Variants in C4orf36 observed in about 807,000 individuals in gnomAD.
The protein encoded by C4orf36 is chromosome 4 open reading frame 36.
A neutral mutation model predicts 12.2 loss-of-function variants in C4orf36; 11 were observed. That is an observed-to-expected ratio of 0.90 (90% confidence interval 0.57 to 1.49). C4orf36 has a LOEUF of 1.49. C4orf36 is among the 40% of genes most tolerant of loss of function. C4orf36 has a pLI of 0.00. For missense variants in C4orf36, 137 were observed against 133.9 expected, an observed-to-expected ratio of 1.02 and a Z score of -0.11; for synonymous variants, 54 against 51.3, an observed-to-expected ratio of 1.05 and a Z score of -0.22.
In C4orf36 at chr4:86,890,284, G is replaced by A. The variant is rs1747355031; in HGVS notation, c.65+1172C>T. On this transcript the variant is annotated intron_variant, in intron 2 of 4. Coordinates refer to ENST00000295898, the MANE Select transcript of C4orf36 (RefSeq NM_144645.4). ...ACTTGCCCAAGGTCACAAAGCCATT[G>A]GTTGTGAAGTTGGGATCTGAACCCA... The A allele has an allele frequency of 7.9e-6, 3 of 377,754 alleles. No individual in the cohort carries two copies. In the East Asian group the frequency reaches 2.2e-4, roughly 28 times the overall value. The allele number at this position is 377,754 out of a possible 1,614,324, so 23.4% of individuals were successfully genotyped here. A position where few individuals can be genotyped will look rare whatever the true frequency, so the allele number is the denominator to read the frequency against.
Position 86,881,674 on chromosome 4 carries a change from T to A in C4orf36, c.*3-5231A>T, listed in dbSNP as rs577229022. ...ATTGTGGATCTTTCACCATCTGAAA[T>A]TTTCTTTTTTTTTTTTGAGATGGAG... is the stretch of plus-strand genomic sequence containing the variant. On this transcript the variant is annotated intron_variant, in intron 4 of 4. Transcript: ENST00000295898. Among the ~76,000 whole-genome samples the A allele has an allele frequency of 1.3e-4, 19 of 146,882 alleles. No homozygotes were observed. The South Asian group carries it at 4.2e-3, about 33-fold the overall frequency.
chr4:86,913,218 A>G, the C4orf36 span: 2 of 498,178 alleles, frequency 4.0e-6, no homozygotes, highest in Non-Finnish European at 7.6e-6. Flanking sequence ...GATCTTCCAC[A>G]GTTTGTTGTG....
the C4orf36 span, among the ~76,000 whole-genome samples, chr4:86,903,065 T>C: frequency 6.6e-6 from 1 of 152,196 alleles, no homozygotes; most frequent in Non-Finnish European, 1.5e-5. Context: ...TTAGAGATAA[T>C]TGCCTTCTCA....
the C4orf36 span, chr4:86,914,222 C>T: frequency 5.6e-6 from 9 of 1,597,972 alleles, no homozygotes; most frequent in South Asian, 4.4e-5. Context: ...TCAGGATCAC[C>T]AGGGTTGGCT....
chr4:86,894,055 C>T (rs900594085), upstream of C4orf36, among the ~76,000 whole-genome samples: 3 of 151,956 alleles, frequency 2.0e-5, no homozygotes, highest in Admixed American at 6.6e-5. Flanking sequence ...CGCCACCACG[C>T]CCAGCTGATT....
chr4:86,881,923 C>CCAT (rs1390653773), intron 4 of C4orf36, among the ~76,000 whole-genome samples: 1 of 152,140 alleles, frequency 6.6e-6, no homozygotes. Context: ...GGTGATCCAC[C>CCAT]CATCTCAGCC....
At chr4:86,913,712 A>C in the C4orf36 span, 1 of 1,600,586 alleles carries the variant, frequency 6.2e-7, no homozygotes, top group Non-Finnish European at 8.6e-7. Flanking sequence ...TCCCACTGGC[A>C]GAGAAGCTGA....
the C4orf36 span, among the ~76,000 whole-genome samples, chr4:86,911,878 A>C: frequency 9.2e-5 from 14 of 151,730 alleles, 1 homozygote; most frequent in African/African-American, 2.7e-4. Flanking sequence ...TGTTTTTTTG[A>C]GACGGAGTTT....
chr4:86,899,744 T>A, the C4orf36 span, among the ~76,000 whole-genome samples: 2 of 152,162 alleles, frequency 1.3e-5, no homozygotes, highest in Non-Finnish European at 2.9e-5. Context: ...GGTGGGAAGA[T>A]CACTTGAGCC....
At chr4:86,914,269 T>C in the C4orf36 span, 8 of 1,602,658 alleles carry the variant, frequency 5.0e-6, no homozygotes, top group Non-Finnish European at 6.8e-6. Flanking sequence ...ACATAGGCAT[T>C]GTGGTCTGCC....
upstream of C4orf36, among the ~76,000 whole-genome samples, chr4:86,897,276 G>T (rs1747615591): frequency 6.6e-6 from 1 of 152,112 alleles, no homozygotes; most frequent in African/African-American, 2.4e-5. Flanking sequence ...TGGGAGGATT[G>T]CTTGAGCCTG....
At chr4:86,884,895 G>A (rs13151797) in intron 4 of C4orf36, among the ~76,000 whole-genome samples, 9,468 of 152,180 alleles carry the variant, frequency 0.062, 433 homozygotes, top group Non-Finnish European at 0.087. Flanking sequence ...TGTAAGGAAG[G>A]GATCCAGTTT....
the C4orf36 span, among the ~76,000 whole-genome samples, chr4:86,931,991 C>T: frequency 0.025 from 3,563 of 141,384 alleles, 150 homozygotes; most frequent in African/African-American, 0.088. Context: ...GCCGAGATTG[C>T]ACCATTGCAC....
At chr4:86,894,483 C>G (rs571667721), upstream of C4orf36, among the ~76,000 whole-genome samples, 10 of 152,192 alleles carry the variant, frequency 6.6e-5, no homozygotes, top group African/African-American at 2.4e-4. Context: ...AGGGGACAAG[C>G]CACCTTAGAA....
At chr4:86,899,476 T>C in the C4orf36 span, among the ~76,000 whole-genome samples, 1 of 152,158 alleles carries the variant, frequency 6.6e-6, no homozygotes, top group African/African-American at 2.4e-5. Flanking sequence ...CTAAAATGTA[T>C]TTAAGTAGTC....
At chr4:86,905,509 C>T in the C4orf36 span, among the ~76,000 whole-genome samples, 7 of 152,128 alleles carry the variant, frequency 4.6e-5, no homozygotes, top group Admixed American at 3.3e-4. Context: ...GCTATGATGG[C>T]ACCATTGCAC....
chr4:86,920,117 C>A, the C4orf36 span, among the ~76,000 whole-genome samples: 4 of 152,174 alleles, frequency 2.6e-5, no homozygotes, highest in East Asian at 1.9e-4. Flanking sequence ...AGGGCATGAA[C>A]ACAACTCAGC....
At chr4:86,894,019 C>T (rs1356535651), upstream of C4orf36, among the ~76,000 whole-genome samples, 4 of 131,912 alleles carry the variant, frequency 3.0e-5, no homozygotes, top group East Asian at 9.0e-4. Flanking sequence ...GCCTCAGCCT[C>T]TCGAGTAGCT....
chr4:86,913,142 C>T, the C4orf36 span: 29 of 296,280 alleles, frequency 9.8e-5, no homozygotes, highest in African/African-American at 4.4e-4. Flanking sequence ...ATGGTATTGG[C>T]GTGATATATG....
Sources: gnomAD v4.1 joint callset for allele counts (sites outside exome capture counted in the v4.1 genomes callset) on GRCh38, gnomAD v4.1.1 for gene constraint, MANE v1.5 for transcripts, NCBI Gene and HGNC (gene_info 2026-07-23, HGNC 2026-07-21) for gene names.